Variants in GALNT14 observed in about 807,000 individuals in gnomAD.
GALNT14 encodes polypeptide N-acetylgalactosaminyltransferase 14, also known as UDP-GalNAc:polypeptide N-acetylgalactosaminyltransferase 14.
GALNT14 carries 60 observed loss-of-function variants against 77.5 expected under a neutral mutation model. The ratio of observed to expected loss-of-function variants is 0.77; its 90% CI spans 0.63 to 0.96. The LOEUF (loss-of-function observed/expected upper bound fraction) is 0.96, where lower values mean the gene tolerates loss of function less well. Among genes scored for constraint, GALNT14 ranks in the 40% least tolerant of loss-of-function variants. The probability of loss-of-function intolerance (pLI) is 0.00; values close to 1 mark genes in which losing one functional copy is unlikely to be tolerated. For synonymous variants in GALNT14, 280 were observed against 281.7 expected (o/e 0.99, Z 0.06); for missense variants, 710 against 731.0 (o/e 0.97, Z 0.33).
chr2:30,989,817 A>C (rs1490255224), intron 2 of GALNT14, among the ~76,000 whole-genome samples: 2 of 151,166 alleles, frequency 1.3e-5, no homozygotes, highest in Non-Finnish European at 2.9e-5. Context: ...TGAGGTACAG[A>C]GAAGCTAGGC....
intron 6 of GALNT14, among the ~76,000 whole-genome samples, chr2:30,955,077 C>T (rs1573029851): frequency 6.6e-6 from 1 of 152,228 alleles, no homozygotes; most frequent in South Asian, 2.1e-4. Context: ...AATTGAGACA[C>T]TGGAGGAATG....
At chr2:31,067,216 C>G (rs1266050318) in intron 1 of GALNT14, among the ~76,000 whole-genome samples, 1 of 152,170 alleles carries the variant, frequency 6.6e-6, no homozygotes, top group Non-Finnish European at 1.5e-5. Flanking sequence ...CAGGAGATTC[C>G]CATAGTCAGT....
chr2:30,900,413 C>T, the GALNT14 span, among the ~76,000 whole-genome samples: 146 of 152,274 alleles, frequency 9.6e-4, 1 homozygote, highest in African/African-American at 3.3e-3. Context: ...TTTGTCTTCT[C>T]GGTCCTCTGT....
chr2:30,949,182 G>A (rs980803344), intron 6 of GALNT14, among the ~76,000 whole-genome samples: 1 of 152,132 alleles, frequency 6.6e-6, no homozygotes, highest in Admixed American at 6.5e-5. Context: ...GCCCTGGGAG[G>A]TCAGTACCTG....
intron 1 of GALNT14, among the ~76,000 whole-genome samples, chr2:31,118,157 T>C (rs544073880): frequency 1.4e-4 from 22 of 152,348 alleles, no homozygotes; most frequent in African/African-American, 2.4e-4. Flanking sequence ...AGGGCTACCA[T>C]TGAAGAAGTC....
intron 1 of GALNT14, among the ~76,000 whole-genome samples, chr2:31,068,070 T>C (rs1486817523): frequency 1.3e-5 from 2 of 152,156 alleles, no homozygotes; most frequent in Non-Finnish European, 2.9e-5. Context: ...CCCCAAGCCC[T>C]GCCCAGAAAG....
downstream of GALNT14, among the ~76,000 whole-genome samples, chr2:30,907,569 T>C (rs934009822): frequency 2.0e-5 from 3 of 152,146 alleles, no homozygotes; most frequent in African/African-American, 7.2e-5. Flanking sequence ...CAATAATCAA[T>C]AGCTTACCAA....
chr2:30,891,019 G>A, the GALNT14 span, among the ~76,000 whole-genome samples: 1 of 152,176 alleles, frequency 6.6e-6, no homozygotes, highest in Admixed American at 6.5e-5. Flanking sequence ...GAGGGATCAT[G>A]GAAAAGTCAA....
At chr2:31,097,777 T>G (rs1227560287) in intron 1 of GALNT14, among the ~76,000 whole-genome samples, 1 of 152,154 alleles carries the variant, frequency 6.6e-6, no homozygotes, top group East Asian at 1.9e-4. Context: ...GTCCTGTTTG[T>G]AGAGCAAGAC....
chr2:30,965,026 G>A lies in GALNT14; in HGVS notation c.398+1178C>T, dbSNP rs117978200. Among the ~76,000 whole-genome samples the A allele has an allele frequency of 1.3e-3, 198 of 152,256 alleles. 4 individuals are homozygous for A. The East Asian group carries it at 0.036, about 28-fold the overall frequency. ...GCACCAGCTGATGTGCTGCTCAGCA[G>A]GACAGGAAGGGTCTAATGAGCCGCG... On this transcript the variant is annotated intron_variant, in intron 3 of 14. Coordinates refer to ENST00000349752, the MANE Select transcript of GALNT14 (RefSeq NM_024572.4).
At chr2:30,989,583 A>T (rs6709586) in intron 2 of GALNT14, among the ~76,000 whole-genome samples, 1,643 of 86,946 alleles carry the variant, frequency 0.019, 57 homozygotes, top group Middle Eastern at 0.03. Context: ...TATATATATA[A>T]AAATATATAT....
chr2:31,049,803 C>T (rs1479634605), intron 1 of GALNT14, among the ~76,000 whole-genome samples: 1 of 152,220 alleles, frequency 6.6e-6, no homozygotes, highest in Non-Finnish European at 1.5e-5. Context: ...TCTGACTGCA[C>T]ATTAAACTTT....
intron 1 of GALNT14, among the ~76,000 whole-genome samples, chr2:31,006,010 G>A (rs1028453339): frequency 1.5e-4 from 23 of 152,144 alleles, no homozygotes; most frequent in Non-Finnish European, 7.3e-5. Context: ...ACCTGCCTGA[G>A]ACCCCATACT....
chr2:31,061,098 C>T (rs1204635122), intron 1 of GALNT14, among the ~76,000 whole-genome samples: 1 of 152,140 alleles, frequency 6.6e-6, no homozygotes, highest in Admixed American at 6.5e-5. Flanking sequence ...TCAGCTACCA[C>T]CCATGAACCT....
intron 9 of GALNT14, among the ~76,000 whole-genome samples, chr2:30,940,779 C>T (rs1258455738): frequency 6.6e-6 from 1 of 152,162 alleles, no homozygotes; most frequent in Admixed American, 6.5e-5. Flanking sequence ...AGCCTCGAAC[C>T]CCACACCAAC....
chr2:31,055,216 G>A (rs1048334605), intron 1 of GALNT14, among the ~76,000 whole-genome samples: 1 of 152,192 alleles, frequency 6.6e-6, no homozygotes, highest in African/African-American at 2.4e-5. Flanking sequence ...ATTTAATGCT[G>A]GCAATCTTCA....
chr2:31,048,685 C>T (rs1673644860), intron 1 of GALNT14, among the ~76,000 whole-genome samples: 1 of 151,406 alleles, frequency 6.6e-6, no homozygotes, highest in East Asian at 2.0e-4. Flanking sequence ...CTGGGCTGAG[C>T]TGCCCATCAG....
intron 1 of GALNT14, among the ~76,000 whole-genome samples, chr2:31,020,839 AG>A (rs1671670115): frequency 6.6e-6 from 1 of 152,116 alleles, no homozygotes; most frequent in Admixed American, 6.6e-5. Flanking sequence ...GCTGCTCTGA[AG>A]GGAGTATGGT....
intron 9 of GALNT14, among the ~76,000 whole-genome samples, chr2:30,935,493 A>C (rs1363874332): frequency 2.0e-5 from 3 of 152,142 alleles, no homozygotes; most frequent in Non-Finnish European, 4.4e-5. Flanking sequence ...AGCCGAGATG[A>C]GTTAAGAGTG....
Sources: allele counts gnomAD v4.1 joint callset (sites outside exome capture counted in the v4.1 genomes callset), GRCh38; gene constraint gnomAD v4.1.1; transcripts MANE v1.5; gene names NCBI Gene and HGNC (gene_info 2026-07-23, HGNC 2026-07-21).